Variants in NR2F1-AS1 observed in about 807,000 individuals in gnomAD.
The protein encoded by NR2F1-AS1 is NR2F1 antisense RNA 1.
upstream of NR2F1-AS1, among the ~76,000 whole-genome samples, chr5:93,581,733 T>TCC (rs1230036471): frequency 2.3e-3 from 77 of 33,294 alleles, 4 homozygotes; most frequent in South Asian, 6.1e-3. Context: ...TCTCTCTCTC[T>TCC]CCCCCTCTCC....
intron 4 of NR2F1-AS1, among the ~76,000 whole-genome samples, chr5:93,477,994 G>A (rs1750519604): frequency 6.6e-6 from 1 of 152,080 alleles, no homozygotes; most frequent in South Asian, 2.1e-4. Context: ...TCCTCAAGCT[G>A]GCATAGACTG....
At position 93,571,413 on chromosome 5, in the gene NR2F1-AS1, G is replaced by A. The variant is rs555091183; in HGVS notation, n.314-7950C>T. On this transcript the variant is annotated intron_variant and non_coding_transcript_variant, in intron 1 of 5. Coordinates refer to ENST00000660523, the Ensembl canonical transcript of NR2F1-AS1. The stretch of plus-strand genomic sequence containing the variant: ...CGACGGCTAAGCGGCAGGGAATCCT[G>A]AGTTCCTAGAGATCTACAGAAAGCA... The A allele has an allele frequency of 2.7e-5, 4 of 149,972 alleles. No individual in the cohort carries two copies. In the South Asian group the frequency reaches 8.8e-4, roughly 33 times the overall value. 9.3% of individuals were successfully genotyped at this position (149,972 alleles called of 1,614,324 possible). A position where few individuals can be genotyped will look rare whatever the true frequency, so the allele number is the denominator to read the frequency against.
chr5:93,494,113 T>C (rs1412594849), intron 4 of NR2F1-AS1, among the ~76,000 whole-genome samples: 4 of 152,152 alleles, frequency 2.6e-5, no homozygotes, highest in African/African-American at 7.2e-5. Flanking sequence ...GATAAAGGAT[T>C]AATATGCAGA....
intron 4 of NR2F1-AS1, among the ~76,000 whole-genome samples, chr5:93,493,881 C>T (rs1750903355): frequency 6.6e-6 from 1 of 151,938 alleles, no homozygotes. Flanking sequence ...ATGAAAGCTA[C>T]AATTATAGGA....
intron 4 of NR2F1-AS1, among the ~76,000 whole-genome samples, chr5:93,435,469 T>A (rs1749413993): frequency 6.6e-6 from 1 of 152,202 alleles, no homozygotes; most frequent in Non-Finnish European, 1.5e-5. Flanking sequence ...CTATAACACT[T>A]TTTCCCCAAT....
intron 4 of NR2F1-AS1, among the ~76,000 whole-genome samples, chr5:93,487,121 C>A (rs1750741492): frequency 6.6e-6 from 1 of 152,212 alleles, no homozygotes; most frequent in Admixed American, 6.5e-5. Flanking sequence ...CTATTTATGA[C>A]AAACCCACAG....
intron 4 of NR2F1-AS1, among the ~76,000 whole-genome samples, chr5:93,552,457 A>G (rs953844980): frequency 1.3e-5 from 2 of 152,180 alleles, no homozygotes; most frequent in African/African-American, 4.8e-5. Flanking sequence ...GTTGGGTGGT[A>G]AGGGAAAAGG....
intron 4 of NR2F1-AS1, chr5:93,545,006 A>G (rs554384142): frequency 6.6e-6 from 1 of 152,124 alleles, no homozygotes; most frequent in Non-Finnish European, 1.5e-5. Flanking sequence ...GAATGACTAC[A>G]AAGAGTTTGC....
At chr5:93,416,773 C>T (rs1437135845) in intron 4 of NR2F1-AS1, among the ~76,000 whole-genome samples, 1 of 152,032 alleles carries the variant, frequency 6.6e-6, no homozygotes, top group Non-Finnish European at 1.5e-5. Flanking sequence ...TACAATCACA[C>T]CAAACTGCTA....
chr5:93,584,103 TGCTCGGCTCACCGC>T (rs1391554550), upstream of NR2F1-AS1: 4 of 150,556 alleles, frequency 2.7e-5, no homozygotes, highest in Non-Finnish European at 5.9e-5. Flanking sequence ...CCCAGCGCCC[TGCTCGGCTCACCGC>T]GCTCCCCGCA....
chr5:93,450,930 A>C (rs895829030), intron 4 of NR2F1-AS1, among the ~76,000 whole-genome samples: 4 of 151,138 alleles, frequency 2.6e-5, no homozygotes, highest in Admixed American at 6.6e-5. Context: ...AAAAAAAAAA[A>C]AAAAAAAAAC....
chr5:93,420,250 G>A (rs1351791263), intron 4 of NR2F1-AS1, among the ~76,000 whole-genome samples: 1 of 152,168 alleles, frequency 6.6e-6, no homozygotes, highest in African/African-American at 2.4e-5. Context: ...CAAAAGCTGG[G>A]ATGAGCCCCC....
chr5:93,482,149 G>A (rs866507823), intron 4 of NR2F1-AS1, among the ~76,000 whole-genome samples: 1 of 152,090 alleles, frequency 6.6e-6, no homozygotes, highest in African/African-American at 2.4e-5. Flanking sequence ...GAAATTATCG[G>A]GGTGGCTAGC....
At chr5:93,564,303 C>G (rs989658396) in intron 1 of NR2F1-AS1, among the ~76,000 whole-genome samples, 80 of 151,964 alleles carry the variant, frequency 5.3e-4, no homozygotes, top group African/African-American at 1.7e-3. Context: ...GATCTTGAAG[C>G]AACAGATTTG....
intron 2 of NR2F1-AS1, among the ~76,000 whole-genome samples, chr5:93,557,865 GCTTT>G (rs1000304279): frequency 2.0e-5 from 3 of 152,132 alleles, no homozygotes; most frequent in Non-Finnish European, 2.9e-5. Flanking sequence ...CCCTGCTGTT[GCTTT>G]ATCAACTAAG....
intron 4 of NR2F1-AS1, among the ~76,000 whole-genome samples, chr5:93,479,378 G>C (rs1322836976): frequency 6.6e-6 from 1 of 152,162 alleles, no homozygotes; most frequent in Non-Finnish European, 1.5e-5. Flanking sequence ...ACAAAATCCA[G>C]GCATTTAAGA....
intron 4 of NR2F1-AS1, among the ~76,000 whole-genome samples, chr5:93,461,570 A>T (rs762819048): frequency 2.0e-5 from 3 of 152,214 alleles, no homozygotes; most frequent in Non-Finnish European, 2.9e-5. Flanking sequence ...TACAAAAAAA[A>T]TAAGAAAAAG....
intron 4 of NR2F1-AS1, among the ~76,000 whole-genome samples, chr5:93,517,873 G>A (rs2149893868): frequency 6.6e-6 from 1 of 152,158 alleles, no homozygotes; most frequent in Middle Eastern, 3.4e-3. Flanking sequence ...CTATGTGGGT[G>A]ACCTATTACA....
At chr5:93,541,828 C>T (rs1405022877) in intron 4 of NR2F1-AS1, 2 of 151,766 alleles carry the variant, frequency 1.3e-5, no homozygotes, top group African/African-American at 2.4e-5. Context: ...AAGACACTCA[C>T]ATTGGTGCAA....
Sources: allele counts gnomAD v4.1 joint callset (sites outside exome capture counted in the v4.1 genomes callset), GRCh38; gene constraint gnomAD v4.1.1; transcripts MANE v1.5; gene names NCBI Gene and HGNC (gene_info 2026-07-23, HGNC 2026-07-21).